Variants in UTRN observed in about 807,000 individuals in gnomAD.
The protein encoded by UTRN is utrophin.
In UTRN, 283 loss-of-function variants were observed where a neutral mutation model predicts 463.9. That is an observed-to-expected ratio of 0.61 (90% confidence interval 0.55 to 0.67). The LOEUF is 0.67. Ranked by LOEUF, UTRN falls within the 30% of genes least tolerant of loss-of-function variation. The pLI, the probability that UTRN is intolerant of heterozygous loss-of-function variation, is 0.00. For synonymous variants in UTRN, 1,442 were observed against 1,431.5 expected, an observed-to-expected ratio of 1.01 and a Z score of -0.17; for missense variants, 3,922 against 4,084.3, an observed-to-expected ratio of 0.96 and a Z score of 1.08.
At chr6:144,516,684 C>A in intron 38 of UTRN, 127 bp from the exon 39 acceptor site, 1 of 741,854 alleles carries the variant, frequency 1.3e-6, no homozygotes, top group Non-Finnish European at 1.9e-6. Context: ...ATTTTTTGAT[C>A]GTTCAGGTTA....
intron 23 of UTRN, among the ~76,000 whole-genome samples, chr6:144,472,387 C>T (rs2128568367): frequency 6.6e-6 from 1 of 151,392 alleles, no homozygotes; most frequent in South Asian, 2.1e-4. Context: ...TTTGAAGATG[C>T]TCTCTCATTT....
At chr6:144,412,226 A>G (rs1783960104) in intron 3 of UTRN, among the ~76,000 whole-genome samples, 1 of 152,334 alleles carries the variant, frequency 6.6e-6, no homozygotes, top group Admixed American at 6.5e-5. Context: ...GCAGTAATAC[A>G]TAAACTTTGT....
At chr6:144,297,810 C>T (rs1258613502) in intron 2 of UTRN, among the ~76,000 whole-genome samples, 1 of 152,212 alleles carries the variant, frequency 6.6e-6, no homozygotes, top group East Asian at 1.9e-4. Context: ...ATGTGATTCT[C>T]ATGACCTGTT....
intron 58 of UTRN, among the ~76,000 whole-genome samples, chr6:144,769,325 T>A (rs1285392856): frequency 6.6e-6 from 1 of 152,206 alleles, no homozygotes; most frequent in Non-Finnish European, 1.5e-5. Context: ...CTGTTTTTTT[T>A]ATTTCTGTTG....
chr6:144,488,630 A>G lies in UTRN; in HGVS notation c.3973-43A>G, dbSNP rs1792719823. 2.5e-6 allele frequency: 4 copies of G among 1,593,620 alleles called. No homozygotes were observed. In the East Asian group the frequency reaches 9.0e-5, roughly 36 times the overall value. On this transcript the variant is annotated intron_variant, in intron 29 of 74. Coordinates refer to ENST00000367545, the MANE Select transcript of UTRN (RefSeq NM_007124.3). ...AGAATATATATATTCTGCTATTTAT[A>G]TTTGTGTTGGGCAACTAATGATTCA...
intron 2 of UTRN, chr6:144,397,866 G>A (rs1016161346): frequency 2.0e-5 from 3 of 153,000 alleles, no homozygotes; most frequent in African/African-American, 7.2e-5. Flanking sequence ...CTGGGTGGGT[G>A]ATGCTGGACA....
chr6:144,639,654 A>T (rs1777557938), intron 51 of UTRN, among the ~76,000 whole-genome samples: 1 of 151,486 alleles, frequency 6.6e-6, no homozygotes. Flanking sequence ...CACCCGATCA[A>T]TCAAATACAC....
At chr6:144,824,589 TATA>T (rs1562954841) in intron 66 of UTRN, among the ~76,000 whole-genome samples, 2 of 39,696 alleles carry the variant, frequency 5.0e-5, no homozygotes, top group African/African-American at 2.9e-4. Flanking sequence ...TATATATATA[TATA>T]TATATATATA....
intron 2 of UTRN, among the ~76,000 whole-genome samples, chr6:144,296,070 A>T (rs1346324864): frequency 6.6e-6 from 1 of 151,526 alleles, no homozygotes; most frequent in Non-Finnish European, 1.5e-5. Context: ...TGTTCTTAGC[A>T]CTCTCTGGTA....
intron 51 of UTRN, among the ~76,000 whole-genome samples, chr6:144,621,222 A>G (rs1362577909): frequency 6.6e-6 from 1 of 152,216 alleles, no homozygotes; most frequent in Non-Finnish European, 1.5e-5. Flanking sequence ...AACTGTTATT[A>G]GGAGTGGGAA....
intron 53 of UTRN, among the ~76,000 whole-genome samples, chr6:144,720,219 C>T (rs1786972767): frequency 6.6e-6 from 1 of 152,226 alleles, no homozygotes; most frequent in Non-Finnish European, 1.5e-5. Context: ...GATTGACTTC[C>T]AAGTATTTCT....
chr6:144,852,455 C>T lies in UTRN; in HGVS notation c.*1458C>T, dbSNP rs949783279. On this transcript the variant is annotated 3_prime_UTR_variant, in exon 75 of 75. Transcript: ENST00000367545. ...GGGTTCTCTTTAGCTGGGATCTGGC[C>T]AGAAGGAGGCTTAAAGTTAGAAATT... 2 of 152,314 alleles carry T rather than the reference C, an allele frequency of 1.3e-5. No individual in the cohort carries two copies. Among genetic ancestry groups the T allele is most frequent in the Non-Finnish European group, 2.9e-5 (2 of 67,970 alleles). 9.4% of individuals were successfully genotyped at this position (152,314 alleles called of 1,614,324 possible). A position where few individuals can be genotyped will look rare whatever the true frequency, so the allele number is the denominator to read the frequency against.
At chr6:144,361,656 C>T (rs576248481) in intron 2 of UTRN, among the ~76,000 whole-genome samples, 1 of 152,208 alleles carries the variant, frequency 6.6e-6, no homozygotes, top group South Asian at 2.1e-4. Context: ...ATGGCATGAC[C>T]ATGGCTCATG....
chr6:144,344,384 A>G, intron 2 of UTRN: 2 of 1,290,712 alleles, frequency 1.5e-6, no homozygotes, highest in Non-Finnish European at 2.0e-6. Flanking sequence ...TCTTTCATTC[A>G]GTTTTGTTAA....
At chr6:144,691,642 T>C (rs1429412222) in intron 52 of UTRN, among the ~76,000 whole-genome samples, 1 of 152,162 alleles carries the variant, frequency 6.6e-6, no homozygotes, top group Non-Finnish European at 1.5e-5. Context: ...CCTTTCCCCT[T>C]TTAACTTCTT....
At position 144,676,926 on chromosome 6, in the gene UTRN, G is replaced by A. The variant is rs112414491; in HGVS notation, c.7480-1480G>A. Reference sequence around the variant, plus strand: ...GGGAAGTTTTACCTATGTGAAAACGGGAGAGTAAGAGTCTGTTGGATATTA... The same window carrying A: ...GGGAAGTTTTACCTATGTGAAAACGAGAGAGTAAGAGTCTGTTGGATATTA... On this transcript the variant is annotated intron_variant, in intron 51 of 74. Transcript: ENST00000367545. Among the ~76,000 whole-genome samples the A allele has an allele frequency of 2.3e-3, 350 of 152,266 alleles. 2 individuals carry two copies. The highest frequency in any genetic ancestry group is 8.2e-3 in the African/African-American group (340 of 41,548).
intron 51 of UTRN, among the ~76,000 whole-genome samples, chr6:144,617,037 G>A (rs974020535): frequency 6.6e-6 from 1 of 152,130 alleles, no homozygotes; most frequent in African/African-American, 2.4e-5. Context: ...TGATTTTCAA[G>A]CAGAACTTGT....
intron 54 of UTRN, among the ~76,000 whole-genome samples, chr6:144,732,877 A>T (rs966694677): frequency 3.9e-5 from 6 of 152,056 alleles, no homozygotes; most frequent in African/African-American, 1.4e-4. Context: ...CTTTTTTAAA[A>T]GTTTTTGTAG....
At chr6:144,353,459 A>G (rs1321524520) in intron 2 of UTRN, among the ~76,000 whole-genome samples, 1 of 144,280 alleles carries the variant, frequency 6.9e-6, no homozygotes, top group Non-Finnish European at 1.5e-5. Flanking sequence ...AGGTCTCACT[A>G]TTCCCAGGTT....
Sources: gnomAD v4.1 joint callset for allele counts (sites outside exome capture counted in the v4.1 genomes callset) on GRCh38, gnomAD v4.1.1 for gene constraint, MANE v1.5 for transcripts, NCBI Gene and HGNC (gene_info 2026-07-23, HGNC 2026-07-21) for gene names.